Variants in PLXDC2 observed in about 807,000 individuals in gnomAD.
PLXDC2 encodes the protein plexin domain containing 2.
In PLXDC2, 40 loss-of-function variants were observed where a neutral mutation model predicts 68.9. The ratio of observed to expected loss-of-function variants is 0.58; its 90% CI spans 0.45 to 0.76. PLXDC2 has a LOEUF of 0.76. Ranked by LOEUF, PLXDC2 falls within the 30% of genes least tolerant of loss-of-function variation. PLXDC2 has a pLI of 0.00. For synonymous variants in PLXDC2, 243 were observed against 234.2 expected, an observed-to-expected ratio of 1.04 and a Z score of -0.34; for missense variants, 644 against 661.9, an observed-to-expected ratio of 0.97 and a Z score of 0.30.
At chr10:19,948,229 G>A (rs2131404087) in intron 1 of PLXDC2, among the ~76,000 whole-genome samples, 1 of 152,208 alleles carries the variant, frequency 6.6e-6, no homozygotes, top group Admixed American at 6.5e-5. Context: ...GGCCTCAGAA[G>A]AAGGTAAAAA....
intron 1 of PLXDC2, among the ~76,000 whole-genome samples, chr10:19,832,177 AAAAAC>A (rs1836706645): frequency 6.6e-6 from 1 of 152,242 alleles, no homozygotes; most frequent in African/African-American, 2.4e-5. Context: ...TAAAAAATTT[AAAAAC>A]AAAACAAAAA....
chr10:19,953,577 C>T (rs1012158277), intron 1 of PLXDC2, among the ~76,000 whole-genome samples: 1 of 152,158 alleles, frequency 6.6e-6, no homozygotes, highest in Non-Finnish European at 1.5e-5. Context: ...GTTCAAATTT[C>T]CAGTAGGTCT....
chr10:19,995,229 C>G (rs1013518778), intron 1 of PLXDC2, among the ~76,000 whole-genome samples: 22 of 152,250 alleles, frequency 1.4e-4, no homozygotes, highest in African/African-American at 5.3e-4. Flanking sequence ...ATCATATAGT[C>G]ATGCTCATGG....
intron 1 of PLXDC2, among the ~76,000 whole-genome samples, chr10:19,848,801 C>T (rs1837061382): frequency 6.6e-6 from 1 of 151,928 alleles, no homozygotes; most frequent in South Asian, 2.1e-4. Context: ...TGCTGTTTGC[C>T]TGTAAGGGTT....
intron 1 of PLXDC2, among the ~76,000 whole-genome samples, chr10:19,999,693 T>C (rs1377400388): frequency 6.6e-6 from 1 of 152,130 alleles, no homozygotes; most frequent in Non-Finnish European, 1.5e-5. Context: ...CTAAGTGTTG[T>C]GCTAGGAGGT....
chr10:20,045,221 G>A (rs1434327906), intron 2 of PLXDC2, among the ~76,000 whole-genome samples: 1 of 151,984 alleles, frequency 6.6e-6, no homozygotes, highest in Non-Finnish European at 1.5e-5. Context: ...TCCCAGGCTG[G>A]AGTGCAGTGG....
intron 2 of PLXDC2, among the ~76,000 whole-genome samples, chr10:20,014,144 A>C (rs1835162739): frequency 6.6e-6 from 1 of 152,270 alleles, no homozygotes; most frequent in African/African-American, 2.4e-5. Context: ...TAAGGAAATA[A>C]CATGATTTAG....
chr10:20,006,124 A>G (rs529996080), intron 2 of PLXDC2, among the ~76,000 whole-genome samples: 1 of 152,208 alleles, frequency 6.6e-6, no homozygotes, highest in East Asian at 1.9e-4. Context: ...GGTTGCAGCC[A>G]GCTGAGATTC....
intron 4 of PLXDC2, among the ~76,000 whole-genome samples, chr10:20,110,635 G>A (rs1347644979): frequency 6.6e-6 from 1 of 151,948 alleles, no homozygotes; most frequent in Non-Finnish European, 1.5e-5. Flanking sequence ...GGCTCTGAAC[G>A]CCGGTCACTG....
chr10:19,887,505 G>T (rs1163376731), intron 1 of PLXDC2, among the ~76,000 whole-genome samples: 1 of 152,106 alleles, frequency 6.6e-6, no homozygotes, highest in East Asian at 1.9e-4. Context: ...CTGGGCGACA[G>T]AGTGAGACTT....
chr10:20,082,045 G>GA (rs1439512108), intron 4 of PLXDC2, among the ~76,000 whole-genome samples: 679 of 9,408 alleles, frequency 0.072, 40 homozygotes, highest in African/African-American at 0.25. Context: ...AACTCCATCT[G>GA]AAAAAAAAAA....
At chr10:20,001,100 C>G (rs1420953157) in intron 1 of PLXDC2, among the ~76,000 whole-genome samples, 1 of 152,118 alleles carries the variant, frequency 6.6e-6, no homozygotes, top group Non-Finnish European at 1.5e-5. Flanking sequence ...CTGTAAGTGC[C>G]CATCACTGTC....
chr10:19,852,313 G>A (rs1837132749), intron 1 of PLXDC2, among the ~76,000 whole-genome samples: 1 of 151,380 alleles, frequency 6.6e-6, no homozygotes. Context: ...CTTGAGCCTA[G>A]GAGGTTGTGG....
At chr10:19,864,181 T>C (rs889532967) in intron 1 of PLXDC2, among the ~76,000 whole-genome samples, 3 of 152,158 alleles carry the variant, frequency 2.0e-5, no homozygotes, top group African/African-American at 7.2e-5. Flanking sequence ...CTTTTTAATT[T>C]TTTTGTAGAG....
chr10:20,093,513 G>A (rs1833308221), intron 4 of PLXDC2, among the ~76,000 whole-genome samples: 1 of 152,038 alleles, frequency 6.6e-6, no homozygotes, highest in Non-Finnish European at 1.5e-5. Context: ...AGCAGTCTTT[G>A]GTGGCCACTC....
chr10:20,223,792 A>G lies in PLXDC2; in HGVS notation c.1312+4690A>G, dbSNP rs78338941. On this transcript the variant is annotated intron_variant, in intron 12 of 13. Coordinates refer to ENST00000377252, the MANE Select transcript of PLXDC2 (RefSeq NM_032812.9). ...TTTAATCCTTTCTGTGAAAATCACA[A>G]CGCATTAATTCTCTTGTGTGTTTCA... 2.5e-3 allele frequency among the ~76,000 whole-genome samples: 383 copies of G among 152,252 alleles called. 3 individuals are homozygous for G. The highest frequency in any genetic ancestry group is 8.5e-3 in the African/African-American group (354 of 41,560).
intron 1 of PLXDC2, among the ~76,000 whole-genome samples, chr10:19,883,101 C>G (rs572676751): frequency 1.3e-5 from 2 of 151,668 alleles, no homozygotes. Flanking sequence ...GGACTACAGG[C>G]GCCCGCCACC....
chr10:19,982,084 A>G (rs1043510791), intron 1 of PLXDC2, among the ~76,000 whole-genome samples: 1 of 152,264 alleles, frequency 6.6e-6, no homozygotes, highest in African/African-American at 2.4e-5. Flanking sequence ...CTGCCTCTGC[A>G]GATTGCTGCA....
chr10:20,050,826 C>G (rs1014331386), intron 3 of PLXDC2, among the ~76,000 whole-genome samples: 1 of 151,982 alleles, frequency 6.6e-6, no homozygotes, highest in African/African-American at 2.4e-5. Context: ...AGAAGTATGG[C>G]GATTCCTCAA....
Sources: gnomAD v4.1 joint callset for allele counts (sites outside exome capture counted in the v4.1 genomes callset) on GRCh38, gnomAD v4.1.1 for gene constraint, MANE v1.5 for transcripts, NCBI Gene and HGNC (gene_info 2026-07-23, HGNC 2026-07-21) for gene names.